The following LIMK2 variants were observed in gnomAD, a reference collection of about 807,000 sequenced individuals.
LIMK2 encodes the protein LIM domain kinase 2.
Under a neutral mutation model 75.7 loss-of-function variants are expected in LIMK2, and 35 were observed. The observed-to-expected ratio is 0.46, with a 90% CI of 0.35 to 0.61. LIMK2 has a LOEUF of 0.61. LIMK2 is among the 20% of genes least tolerant of loss of function. The pLI is 0.00. For missense variants in LIMK2, 623 were observed against 831.0 expected, an observed-to-expected ratio of 0.75 and a Z score of 3.08; for synonymous variants, 301 against 319.2, an observed-to-expected ratio of 0.94 and a Z score of 0.61.
chr22:31,241,884 A>G (rs937605027), intron 2 of LIMK2, among the ~76,000 whole-genome samples: 1 of 152,302 alleles, frequency 6.6e-6, no homozygotes, highest in Non-Finnish European at 1.5e-5. Flanking sequence ...CACAAGCAGG[A>G]CAAGGGAAGC....
chr22:31,248,214 C>T (rs937663129), intron 2 of LIMK2: 10 of 488,682 alleles, frequency 2.0e-5, no homozygotes, highest in Non-Finnish European at 3.3e-5. Flanking sequence ...CGCCTGCCTG[C>T]AGCCTCGATC....
At chr22:31,234,292 G>A (rs1214703768) in intron 2 of LIMK2, among the ~76,000 whole-genome samples, 2 of 148,768 alleles carry the variant, frequency 1.3e-5, no homozygotes, top group Non-Finnish European at 3.0e-5. Flanking sequence ...GATTACAGGT[G>A]TGAGCCACTG....
At chr22:31,231,440 G>A (rs1445361755) in intron 2 of LIMK2, among the ~76,000 whole-genome samples, 4 of 152,150 alleles carry the variant, frequency 2.6e-5, no homozygotes, top group African/African-American at 9.7e-5. Flanking sequence ...TTACTCATTT[G>A]TCCAGTTTAT....
At chr22:31,259,862 T>C (rs1257059209) in intron 4 of LIMK2, 27 bp from the exon 5 acceptor site, 3 of 1,582,232 alleles carry the variant, frequency 1.9e-6, no homozygotes, top group Non-Finnish European at 2.6e-6. Context: ...CTCTAGCATC[T>C]TATTCCCCCC....
At chr22:31,222,831 A>ATGTGC (rs775711145) in intron 1 of LIMK2, 3 of 152,120 alleles carry the variant, frequency 2.0e-5, no homozygotes, top group Non-Finnish European at 2.9e-5. Context: ...ATTTTAATGT[A>ATGTGC]TGTGCTGCTG....
At chr22:31,260,314 G>A (rs1159616911) in intron 5 of LIMK2, among the ~76,000 whole-genome samples, 7 of 152,154 alleles carry the variant, frequency 4.6e-5, no homozygotes, top group Admixed American at 4.6e-4. Context: ...CAGGTGTCAG[G>A]TTTCAGGTCA....
chr22:31,244,045 G>A (rs1203384515), intron 2 of LIMK2, among the ~76,000 whole-genome samples: 2 of 152,144 alleles, frequency 1.3e-5, no homozygotes, highest in East Asian at 3.9e-4. Context: ...CTCTTCCAGG[G>A]GGAGGCAGTT....
chr22:31,241,360 C>T (rs1473893544), intron 2 of LIMK2, among the ~76,000 whole-genome samples: 1 of 152,250 alleles, frequency 6.6e-6, no homozygotes, highest in African/African-American at 2.4e-5. Flanking sequence ...CAGCAACCTT[C>T]TCTGTGAACC....
At chr22:31,224,784 G>C (rs552694274) in intron 1 of LIMK2, among the ~76,000 whole-genome samples, 81 of 152,210 alleles carry the variant, frequency 5.3e-4, no homozygotes, top group Non-Finnish European at 1.1e-3. Context: ...CAGTGGATTT[G>C]CTTCTTAAGG....
intron 2 of LIMK2, among the ~76,000 whole-genome samples, chr22:31,231,426 G>T (rs1421245618): frequency 6.6e-6 from 1 of 152,186 alleles, no homozygotes; most frequent in Non-Finnish European, 1.5e-5. Context: ...TCTCCAGAAG[G>T]TGTTTACTCA....
rs181802524 is a variant in LIMK2 at position 31,256,102 on chromosome 22, G to A, written c.117-2189G>A. Among the ~76,000 whole-genome samples the A allele has an allele frequency of 4.2e-3, 590 of 141,864 alleles. 1 individual carries two copies. The highest frequency in any genetic ancestry group is 0.014 in the African/African-American group (541 of 38,386). 93.1% of individuals were successfully genotyped at this position (141,864 alleles called of 152,430 possible). ...CAACCTCCGCTTCCCAGGTTCAAGCGATTCTCCTGCCTCAGCCTCCTGAGT... is the reference window on the plus strand; with the variant it reads ...CAACCTCCGCTTCCCAGGTTCAAGCAATTCTCCTGCCTCAGCCTCCTGAGT... On this transcript the variant is annotated intron_variant, in intron 2 of 15. Transcript: ENST00000331728.
chr22:31,247,802 T>C (rs1289393569), intron 2 of LIMK2, among the ~76,000 whole-genome samples: 1 of 152,144 alleles, frequency 6.6e-6, no homozygotes, highest in African/African-American at 2.4e-5. Flanking sequence ...ACATCAGGTG[T>C]AGGTTAATAC....
In LIMK2 at chr22:31,266,191, T is replaced by A. The variant is rs530693096; in HGVS notation, c.1041+59T>A. On this transcript the variant is annotated intron_variant, in intron 8 of 15. Transcript: ENST00000331728. ...CCCCCAGTCCCTCTGTCACTGTCTT[T>A]CGGGGATTTCTCATCACTTGGCCCC... 1.6e-5 allele frequency: 25 copies of A among 1,547,948 alleles called. 1 individual carries two copies. The highest frequency in any genetic ancestry group is 2.1e-5 in the Non-Finnish European group (24 of 1,128,154).
intron 10 of LIMK2, 88 bp downstream of exon 10, chr22:31,267,995 G>A: frequency 6.4e-7 from 1 of 1,561,746 alleles, no homozygotes. Flanking sequence ...AAAGGGCAGA[G>A]GGGCCCTGCT....
At chr22:31,267,334 G>A (rs2048905834) in intron 9 of LIMK2, among the ~76,000 whole-genome samples, 1 of 152,186 alleles carries the variant, frequency 6.6e-6, no homozygotes, top group Admixed American at 6.5e-5. Context: ...AGGTTATGAG[G>A]ATGATGGACA....
At chr22:31,248,598 C>T in intron 2 of LIMK2, 1 of 1,609,470 alleles carries the variant, frequency 6.2e-7, no homozygotes, top group Admixed American at 1.7e-5. Flanking sequence ...CTCAGGGCAG[C>T]CTGCCTGCAG....
rs776186641 is a variant in LIMK2 at position 31,267,082 on chromosome 22, G to T, written c.1128+12G>T. 9 of 1,537,588 alleles carry T rather than the reference G, an allele frequency of 5.9e-6. No homozygotes were observed. Among genetic ancestry groups the T allele is most frequent in the East Asian group, 2.3e-5 (1 of 44,262 alleles). On this transcript the variant is annotated intron_variant, in intron 9 of 15. Transcript: ENST00000331728. ...CTTTTCTGACTGAGGTAAGAAGATGGAGGGGGCCCGGGAGGTTGGTGTCAC... is the reference window on the plus strand; with the variant it reads ...CTTTTCTGACTGAGGTAAGAAGATGTAGGGGGCCCGGGAGGTTGGTGTCAC...
intron 15 of LIMK2, chr22:31,276,936 G>T: frequency 6.8e-6 from 11 of 1,613,756 alleles, no homozygotes; most frequent in Non-Finnish European, 9.3e-6. Context: ...AGCAGCTCAC[G>T]CGCCTCTACG....
At chr22:31,212,575 C>A in intron 1 of LIMK2, 151 bp downstream of exon 1, 2 of 690,866 alleles carry the variant, frequency 2.9e-6, no homozygotes, top group Non-Finnish European at 2.0e-6. Flanking sequence ...GCGGGGTGGG[C>A]ACAGCGCTCC....
Sources: allele counts gnomAD v4.1 joint callset (sites outside exome capture counted in the v4.1 genomes callset), GRCh38; gene constraint gnomAD v4.1.1; transcripts MANE v1.5; gene names NCBI Gene and HGNC (gene_info 2026-07-23, HGNC 2026-07-21).